Variants in MYO3A observed in about 807,000 individuals in gnomAD.
MYO3A encodes the protein myosin IIIA, also known as myosin-IIIa.
In MYO3A, 180 loss-of-function variants were observed where a neutral mutation model predicts 192.7. The observed-to-expected ratio is 0.93, with a 90% confidence interval of 0.83 to 1.06. The LOEUF (loss-of-function observed/expected upper bound fraction) is 1.06. Among genes scored for constraint, MYO3A ranks in the 50% least tolerant of loss-of-function variants. The pLI is 0.00. For missense variants in MYO3A, 1,896 were observed against 1,905.0 expected (o/e 1.00, Z 0.09); for synonymous variants, 628 against 645.3 (o/e 0.97, Z 0.41).
At chr10:25,962,961 C>G (rs1443399513) in intron 4 of MYO3A, among the ~76,000 whole-genome samples, 2 of 152,156 alleles carry the variant, frequency 1.3e-5, no homozygotes, top group African/African-American at 4.8e-5. Context: ...CTTAGTGTGC[C>G]TTCAGCCATA....
chr10:26,016,840 A>G lies in MYO3A; in HGVS notation c.529A>G (p.Ser177Gly), dbSNP rs1842010736. 3 of 1,614,206 alleles carry G rather than the reference A, an allele frequency of 1.9e-6. No homozygotes were observed. The highest frequency in any genetic ancestry group is 1.7e-5 in the Admixed American group (1 of 60,022). Residue 177 changes from serine to glycine, a missense_variant, in exon 7 of 35, where the codon AGT (serine) becomes GGT (glycine). Ser to Gly is a moderately conservative substitution (Grantham distance 56). Transcript: ENST00000642920. ...VDFGVSAQLT[S>G]TRHRRNTSVG... ...TCTAGGTGTGTCTGCACAGCTCACC[A>G]GTACCCGGCACCGTCGGAACACATC...
Position 26,203,124 on chromosome 10 carries a change from T to C in MYO3A, c.4730+17T>C. Reference sequence around the variant, plus strand: ...TAATGAAAGGTAAAAAGCTAAACTTTAAAGTACATCATTTGCAGTTTTATA... The same window carrying C: ...TAATGAAAGGTAAAAAGCTAAACTTCAAAGTACATCATTTGCAGTTTTATA... On this transcript the variant is annotated intron_variant, in intron 34 of 34. Transcript: ENST00000642920. The C allele has an allele frequency of 6.2e-7, 1 of 1,611,792 alleles. No homozygotes were observed. The highest frequency in any genetic ancestry group is 1.1e-5 in the South Asian group (1 of 91,010).
At chr10:26,074,953 G>T (rs979875421) in intron 14 of MYO3A, among the ~76,000 whole-genome samples, 1 of 151,764 alleles carries the variant, frequency 6.6e-6, no homozygotes, top group African/African-American at 2.4e-5. Flanking sequence ...TCATTATTTT[G>T]TGTGTGTAAA....
intron 4 of MYO3A, among the ~76,000 whole-genome samples, chr10:25,964,330 C>A (rs1838130794): frequency 6.6e-6 from 1 of 152,036 alleles, no homozygotes; most frequent in Non-Finnish European, 1.5e-5. Flanking sequence ...TAGAAAATGT[C>A]TATTAGGTGG....
At chr10:26,072,304 ACAC>A (rs201915726) in intron 14 of MYO3A, among the ~76,000 whole-genome samples, 2,050 of 152,228 alleles carry the variant, frequency 0.013, 55 homozygotes, top group African/African-American at 0.047. Context: ...TGTTACCAAA[ACAC>A]CAGGGGTTTG....
intron 17 of MYO3A, among the ~76,000 whole-genome samples, chr10:26,103,775 C>A (rs550362315): frequency 2.6e-5 from 4 of 152,176 alleles, no homozygotes; most frequent in Non-Finnish European, 5.9e-5. Flanking sequence ...CAACTGTTCT[C>A]CAAAATCACT....
At chr10:26,122,888 A>T (rs74653636) in intron 18 of MYO3A, among the ~76,000 whole-genome samples, 4,579 of 152,298 alleles carry the variant, frequency 0.03, 208 homozygotes, top group African/African-American at 0.1. Flanking sequence ...ATGTATGTCA[A>T]ATAAATAAAC....
At chr10:26,081,897 T>C (rs1293045516) in intron 14 of MYO3A, among the ~76,000 whole-genome samples, 1 of 136,010 alleles carries the variant, frequency 7.4e-6, no homozygotes, top group African/African-American at 2.6e-5. Context: ...CTTCTGCAGT[T>C]GGGACACTCA....
intron 17 of MYO3A, among the ~76,000 whole-genome samples, chr10:26,111,334 C>T (rs1838165298): frequency 1.3e-5 from 2 of 152,168 alleles, no homozygotes; most frequent in South Asian, 4.2e-4. Flanking sequence ...ACTCCACATG[C>T]CACCCTGTTC....
At chr10:26,121,360 T>C (rs1489945741) in intron 18 of MYO3A, among the ~76,000 whole-genome samples, 2 of 152,160 alleles carry the variant, frequency 1.3e-5, no homozygotes, top group African/African-American at 4.8e-5. Flanking sequence ...CACAGCTTTT[T>C]TCTATTTAGT....
chr10:26,015,662 G>T (rs759305072), intron 6 of MYO3A, among the ~76,000 whole-genome samples: 1 of 152,046 alleles, frequency 6.6e-6, no homozygotes, highest in Non-Finnish European at 1.5e-5. Flanking sequence ...TGTTTAACAG[G>T]CATTGCATAG....
intron 10 of MYO3A, among the ~76,000 whole-genome samples, chr10:26,039,024 T>TGTTTGTTG (rs1344422317): frequency 4.5e-5 from 4 of 88,078 alleles, no homozygotes; most frequent in African/African-American, 2.0e-4. Context: ...AATGAGTTTT[T>TGTTTGTTG]GTTTGTTTGT....
chr10:26,170,660 T>C, intron 29 of MYO3A, 121 bp downstream of exon 29: 1 of 1,076,788 alleles, frequency 9.3e-7, no homozygotes, highest in Non-Finnish European at 1.4e-6. Context: ...ACACATCAAA[T>C]GTCAGTGAAC....
intron 29 of MYO3A, among the ~76,000 whole-genome samples, chr10:26,171,544 A>C (rs1842047087): frequency 6.6e-6 from 1 of 152,204 alleles, no homozygotes; most frequent in Non-Finnish European, 1.5e-5. Flanking sequence ...TCCTTATTTG[A>C]AAAACAGGAA....
intron 10 of MYO3A, among the ~76,000 whole-genome samples, chr10:26,062,530 A>AAAAAAAAAACAAAAACG (rs1554816581): frequency 7.9e-6 from 1 of 125,946 alleles, no homozygotes; most frequent in African/African-American, 2.9e-5. Flanking sequence ...AAAAAAAAAA[A>AAAAAAAAAACAAAAACG]AAATTATGGA....
chr10:26,004,700 G>A (rs1216852646), intron 6 of MYO3A, among the ~76,000 whole-genome samples: 2 of 152,090 alleles, frequency 1.3e-5, no homozygotes, highest in Non-Finnish European at 2.9e-5. Flanking sequence ...AGACATGTCA[G>A]AAGCACACAG....
At chr10:26,202,116 C>CTTTTAATATTATATCACTG (rs1843702981) in intron 33 of MYO3A, among the ~76,000 whole-genome samples, 1 of 152,194 alleles carries the variant, frequency 6.6e-6, no homozygotes, top group Non-Finnish European at 1.5e-5. Context: ...ATATTTTACT[C>CTTTTAATATTATATCACTG]TTTTAATATT....
At chr10:26,119,083 T>C (rs1163869204) in intron 17 of MYO3A, among the ~76,000 whole-genome samples, 1 of 152,150 alleles carries the variant, frequency 6.6e-6, no homozygotes, top group African/African-American at 2.4e-5. Flanking sequence ...GCCTTTGCTG[T>C]CCTCTGCCTA....
intron 28 of MYO3A, among the ~76,000 whole-genome samples, chr10:26,169,325 T>G (rs1477640204): frequency 6.6e-6 from 1 of 152,332 alleles, no homozygotes; most frequent in Non-Finnish European, 1.5e-5. Flanking sequence ...CATACTTTAC[T>G]TCACATACTT....
Sources: gnomAD v4.1 joint callset for allele counts (sites outside exome capture counted in the v4.1 genomes callset) on GRCh38, gnomAD v4.1.1 for gene constraint, MANE v1.5 for transcripts, NCBI Gene and HGNC (gene_info 2026-07-23, HGNC 2026-07-21) for gene names.